The following FRRS1L variants were observed in gnomAD, a reference collection of about 807,000 sequenced individuals.
The protein encoded by FRRS1L is DOMON domain-containing protein FRRS1L.
In FRRS1L, 22 loss-of-function variants were observed where a neutral mutation model predicts 28.6. The ratio of observed to expected loss-of-function variants is 0.77; its 90% CI spans 0.55 to 1.10. The LOEUF (loss-of-function observed/expected upper bound fraction) is 1.10. FRRS1L is among the 50% of genes least tolerant of loss of function. FRRS1L has a pLI of 0.00. For synonymous variants in FRRS1L, 158 were observed against 151.4 expected (o/e 1.04, Z -0.32); for missense variants, 380 against 386.9 (o/e 0.98, Z 0.15).
intron 1 of FRRS1L, among the ~76,000 whole-genome samples, chr9:109,157,757 G>T (rs1451728657): frequency 1.3e-5 from 2 of 152,076 alleles, no homozygotes; most frequent in Non-Finnish European, 2.9e-5. Context: ...CTTTTATTTG[G>T]ATACTATACT....
At chr9:109,141,191 A>C in intron 4 of FRRS1L, 152 bp downstream of exon 4, 1 of 744,726 alleles carries the variant, frequency 1.3e-6, no homozygotes, top group Non-Finnish European at 2.2e-6. Flanking sequence ...AGTCCATTAT[A>C]ACCTTCTGAA....
At chr9:109,138,150 TTAG>T (rs1435570250) in intron 4 of FRRS1L, 2 of 152,426 alleles carry the variant, frequency 1.3e-5, no homozygotes, top group Non-Finnish European at 2.9e-5. Flanking sequence ...TGTGGGACAC[TTAG>T]TAGCCTGCCC....
chr9:109,149,803 T>C (rs971621086), intron 1 of FRRS1L, 83 bp from the exon 2 acceptor site: 2 of 912,424 alleles, frequency 2.2e-6, no homozygotes, highest in African/African-American at 3.3e-5. Flanking sequence ...TTGACTGTTT[T>C]TTCTCACACA....
chr9:109,142,819 T>A (rs76374369), intron 3 of FRRS1L, among the ~76,000 whole-genome samples: 6,654 of 135,270 alleles, frequency 0.049, 542 homozygotes, highest in African/African-American at 0.17. Context: ...AAAATAAAAA[T>A]AAAAAAAAAA....
intron 1 of FRRS1L, among the ~76,000 whole-genome samples, chr9:109,163,259 A>G (rs1050045568): frequency 2.6e-5 from 4 of 152,190 alleles, no homozygotes; most frequent in African/African-American, 9.7e-5. Context: ...CAAGGGAAAG[A>G]AGTATGAGTG....
intron 3 of FRRS1L, among the ~76,000 whole-genome samples, chr9:109,145,028 C>A (rs1831239802): frequency 6.6e-6 from 1 of 152,194 alleles, no homozygotes; most frequent in South Asian, 2.1e-4. Flanking sequence ...CCTCCTCTCT[C>A]CCCTGTAGCC....
At chr9:109,164,051 C>T (rs1223480301) in intron 1 of FRRS1L, among the ~76,000 whole-genome samples, 2 of 152,194 alleles carry the variant, frequency 1.3e-5, no homozygotes, top group Non-Finnish European at 2.9e-5. Flanking sequence ...TCTCTGGCAA[C>T]CCCTCCTCAG....
chr9:109,160,369 C>T (rs1831466154), intron 1 of FRRS1L, among the ~76,000 whole-genome samples: 1 of 152,124 alleles, frequency 6.6e-6, no homozygotes, highest in East Asian at 1.9e-4. Context: ...TCTCCCTTTC[C>T]CCAACCTGGC....
intron 4 of FRRS1L, chr9:109,140,454 AGGAGGGAAGGGGAGG>A (rs1047454362): frequency 3.9e-5 from 6 of 152,196 alleles, no homozygotes; most frequent in African/African-American, 1.4e-4. Context: ...ACCCTGGGAG[AGGAGGGAAGGGGAGG>A]GGAGACCAGT....
In FRRS1L at chr9:109,132,001, T is replaced by A. The variant is rs929110697; in HGVS notation, c.*5454A>T. 6.6e-6 allele frequency: 1 copy of A among 152,110 alleles called. No individual in the cohort carries two copies. The highest frequency in any genetic ancestry group is 1.5e-5 in the Non-Finnish European group (1 of 68,048). The allele number at this position is 152,110 out of a possible 1,614,324, so 9.4% of individuals were successfully genotyped here. ...TTATTTATTTATTTTTTAGACGGAG[T>A]CTTGCTCTGTTACCCAGGCTGGAGT... On this transcript the variant is annotated 3_prime_UTR_variant, in exon 5 of 5. Coordinates refer to ENST00000561981, the MANE Select transcript of FRRS1L (RefSeq NM_014334.4).
intron 1 of FRRS1L, 23 bp downstream of exon 1, chr9:109,166,878 C>T (rs1170629351): frequency 2.5e-5 from 31 of 1,229,604 alleles, no homozygotes; most frequent in Non-Finnish European, 2.9e-5. Context: ...CTCCCGCAAC[C>T]CCTCGCCCTC....
chr9:109,142,773 C>A (rs1039864550), intron 3 of FRRS1L, among the ~76,000 whole-genome samples: 1 of 151,204 alleles, frequency 6.6e-6, no homozygotes, highest in Non-Finnish European at 1.5e-5. Context: ...TGCCACTGCA[C>A]TGCAGCTTGG....
intron 2 of FRRS1L, 114 bp downstream of exon 2, chr9:109,149,522 G>A: frequency 2.9e-6 from 2 of 690,392 alleles, no homozygotes; most frequent in Non-Finnish European, 5.1e-6. Flanking sequence ...CCCTGCTGAG[G>A]TGATCAAGGA....
chr9:109,143,435 G>C (rs1179544395), intron 3 of FRRS1L, among the ~76,000 whole-genome samples: 1 of 152,024 alleles, frequency 6.6e-6, no homozygotes, highest in Admixed American at 6.6e-5. Flanking sequence ...TGTACCTTCG[G>C]CTCCATTTCA....
intron 1 of FRRS1L, among the ~76,000 whole-genome samples, chr9:109,162,415 C>T (rs1831490748): frequency 6.6e-6 from 1 of 152,226 alleles, no homozygotes; most frequent in South Asian, 2.1e-4. Flanking sequence ...CCTTCTACCA[C>T]TTTATCCATT....
chr9:109,157,336 CAT>C (rs1385049495), intron 1 of FRRS1L, among the ~76,000 whole-genome samples: 1 of 152,136 alleles, frequency 6.6e-6, no homozygotes, highest in Non-Finnish European at 1.5e-5. Flanking sequence ...GTGGGTTTTA[CAT>C]ATCTATTTAA....
intron 1 of FRRS1L, chr9:109,150,959 T>G (rs1831323544): frequency 6.6e-6 from 1 of 152,206 alleles, no homozygotes; most frequent in Non-Finnish European, 1.5e-5. Context: ...TTTTATGAGT[T>G]TTTTTCTTGT....
chr9:109,130,375 T>G lies in FRRS1L; in HGVS notation c.*7080A>C, dbSNP rs1206132383. On this transcript the variant is annotated 3_prime_UTR_variant, in exon 5 of 5. Transcript: ENST00000561981. ...TAATTCTTATTTTAAAGTTTAAATC[T>G]AATTAATATATTCTGACTAACATAA... 1.3e-5 allele frequency: 2 copies of G among 152,248 alleles called. No homozygotes were observed. Among genetic ancestry groups the G allele is most frequent in the Non-Finnish European group, 2.9e-5 (2 of 68,044 alleles). 9.4% of individuals were successfully genotyped at this position (152,248 alleles called of 1,614,324 possible). A position where few individuals can be genotyped will look rare whatever the true frequency, so the allele number is the denominator to read the frequency against.
chr9:109,164,305 G>A (rs1409601185), intron 1 of FRRS1L, among the ~76,000 whole-genome samples: 3 of 152,128 alleles, frequency 2.0e-5, no homozygotes, highest in Non-Finnish European at 4.4e-5. Flanking sequence ...AGCTCAGGGT[G>A]AGGGAAGGGG....
Sources: gnomAD v4.1 joint callset for allele counts (sites outside exome capture counted in the v4.1 genomes callset) on GRCh38, gnomAD v4.1.1 for gene constraint, MANE v1.5 for transcripts, NCBI Gene and HGNC (gene_info 2026-07-23, HGNC 2026-07-21) for gene names.